The following AJAP1 variants were observed in gnomAD, a reference collection of about 807,000 sequenced individuals.
AJAP1 encodes adherens junction-associated protein 1.
A neutral mutation model predicts 35.0 loss-of-function variants in AJAP1; 5 were observed. The observed-to-expected ratio is 0.14, with a 90% CI of 0.07 to 0.30. The LOEUF is 0.30. Among genes scored for constraint, AJAP1 ranks in the 10% least tolerant of loss-of-function variants. The pLI is 1.00. For missense variants in AJAP1, 586 were observed against 571.0 expected (o/e 1.03, Z -0.27); for synonymous variants, 284 against 249.3 (o/e 1.14, Z -1.31).
intron 2 of AJAP1, among the ~76,000 whole-genome samples, chr1:4,769,414 G>A (rs1641779614): frequency 6.6e-6 from 1 of 152,174 alleles, no homozygotes; most frequent in Non-Finnish European, 1.5e-5. Context: ...CCAGCACCCT[G>A]GAGCTAACCG....
At chr1:4,701,514 G>A (rs1163061108) in intron 1 of AJAP1, among the ~76,000 whole-genome samples, 1 of 152,186 alleles carries the variant, frequency 6.6e-6, no homozygotes, top group Non-Finnish European at 1.5e-5. Context: ...TACTGGGACT[G>A]GGAGGAGCAA....
chr1:4,655,493 TG>T lies in AJAP1; in HGVS notation c.29+42del. 1 of 1,557,416 alleles carries T rather than the reference TG, an allele frequency of 6.4e-7. No individual in the cohort carries two copies. The highest frequency in any genetic ancestry group is 8.7e-7 in the Non-Finnish European group (1 of 1,150,090). ...CCGGCGCCGGGTGCGTGTGGGCGCG[TG>T]GGTGCCAGGCTGGGCGGAAGCGGCG... On this transcript the variant is annotated intron_variant, in intron 1 of 5. Transcript: ENST00000378191. The surrounding 1 kb of genome is among the most constrained non-coding windows in gnomAD (Gnocchi z 6.9).
In AJAP1 at chr1:4,783,274, G is replaced by T. The variant is rs1280577418; in HGVS notation, c.*789G>T. ...GCATATAGACGCATCTATTGGAAATGCAGTTCCACAGGTGAGCATGTTCTT... is the reference window on the plus strand; with the variant it reads ...GCATATAGACGCATCTATTGGAAATTCAGTTCCACAGGTGAGCATGTTCTT... On this transcript the variant is annotated 3_prime_UTR_variant, in exon 6 of 6. Coordinates refer to ENST00000378191, the MANE Select transcript of AJAP1 (RefSeq NM_018836.4). 1 of 152,364 alleles carries T rather than the reference G, an allele frequency of 6.6e-6. No homozygotes were observed. Among genetic ancestry groups the T allele is most frequent in the Non-Finnish European group, 1.5e-5 (1 of 68,518 alleles). 9.4% of individuals were successfully genotyped at this position (152,364 alleles called of 1,614,324 possible).
intron 1 of AJAP1, among the ~76,000 whole-genome samples, chr1:4,707,364 C>T (rs944347130): frequency 6.6e-6 from 1 of 152,102 alleles, no homozygotes; most frequent in South Asian, 2.1e-4. Flanking sequence ...TGCAGCTACC[C>T]CCACACACAA....
At chr1:4,665,392 T>G (rs1050669237) in intron 1 of AJAP1, among the ~76,000 whole-genome samples, 12 of 152,188 alleles carry the variant, frequency 7.9e-5, no homozygotes, top group Admixed American at 6.5e-4. Flanking sequence ...GGTACTGGGC[T>G]AATTTACTGC....
Position 4,756,113 on chromosome 1 carries a change from G to A in AJAP1, c.830-13740G>A, listed in dbSNP as rs1479170249. Among the ~76,000 whole-genome samples the A allele has an allele frequency of 5.3e-5, 8 of 152,248 alleles. No homozygotes were observed. In the South Asian group the frequency reaches 1.0e-3, roughly 20 times the overall value. On this transcript the variant is annotated intron_variant, in intron 2 of 5. Transcript: ENST00000378191. ...GGTGCAGGAGCCTGATGAGAGTTTC[G>A]CCAGGCAGAGGATCTTTGTCACTGA...
chr1:4,689,484 G>A (rs1036680252), intron 1 of AJAP1, among the ~76,000 whole-genome samples: 4 of 152,202 alleles, frequency 2.6e-5, no homozygotes, highest in African/African-American at 9.6e-5. Flanking sequence ...CAGGGCAGAG[G>A]GGCCAGAAGC....
intron 2 of AJAP1, among the ~76,000 whole-genome samples, chr1:4,755,304 GGGGACTCTCACATGTCCCC>G (rs1217448777): frequency 6.6e-6 from 1 of 152,168 alleles, no homozygotes; most frequent in East Asian, 1.9e-4. Context: ...AGTGGGTGCG[GGGGACTCTCACATGTCCCC>G]CTCCTCTCTC....
intron 1 of AJAP1, among the ~76,000 whole-genome samples, chr1:4,684,590 T>C (rs1413521419): frequency 5.9e-5 from 9 of 152,102 alleles, no homozygotes; most frequent in African/African-American, 2.2e-4. Context: ...GCCATGGCCT[T>C]TCCTGGGTAG....
rs186252069 is a variant in AJAP1 at position 4,667,324 on chromosome 1, T to C, written c.29+11870T>C. 7.2e-4 allele frequency among the ~76,000 whole-genome samples: 109 copies of C among 152,228 alleles called. 1 individual carries two copies. Among genetic ancestry groups the C allele is most frequent in the African/African-American group, 2.4e-3 (100 of 41,534 alleles). The stretch of plus-strand genomic sequence containing the variant: ...CGACCCAACTTTCCTTTCCTGAGTC[T>C]CTTGCTGCTTCTCCACCCTTCCAGC... On this transcript the variant is annotated intron_variant, in intron 1 of 5. Transcript: ENST00000378191.
At chr1:4,777,562 C>G (rs557670768) in intron 5 of AJAP1, 1 of 152,154 alleles carries the variant, frequency 6.6e-6, no homozygotes, top group African/African-American at 2.4e-5. Flanking sequence ...AAGGGGGCCT[C>G]GAGAGCAGGC....
intron 3 of AJAP1, among the ~76,000 whole-genome samples, chr1:4,771,973 G>A (rs1188078854): frequency 6.6e-6 from 1 of 152,094 alleles, no homozygotes; most frequent in Admixed American, 6.6e-5. Flanking sequence ...CAGCACCATG[G>A]TCTGACTGAT....
chr1:4,729,664 C>T (rs1023547073), intron 2 of AJAP1, among the ~76,000 whole-genome samples: 4 of 152,172 alleles, frequency 2.6e-5, no homozygotes, highest in South Asian at 4.1e-4. Flanking sequence ...TGAGGACAGC[C>T]GTCCTATTGG....
At chr1:4,769,258 G>A (rs538499250) in intron 2 of AJAP1, among the ~76,000 whole-genome samples, 5 of 152,262 alleles carry the variant, frequency 3.3e-5, no homozygotes, top group East Asian at 3.9e-4. Flanking sequence ...ACTTCTTAGC[G>A]AGGACTCTGG....
At chr1:4,672,067 A>G (rs1639261477) in intron 1 of AJAP1, among the ~76,000 whole-genome samples, 1 of 152,164 alleles carries the variant, frequency 6.6e-6, no homozygotes. Flanking sequence ...CTTGTGAATC[A>G]TGTCGTAACA....
chr1:4,766,147 C>A (rs1160675203), intron 2 of AJAP1, among the ~76,000 whole-genome samples: 1 of 152,210 alleles, frequency 6.6e-6, no homozygotes, highest in Non-Finnish European at 1.5e-5. Context: ...ATGGCCACTG[C>A]CTGTTTTTGG....
intron 1 of AJAP1, among the ~76,000 whole-genome samples, chr1:4,675,222 C>T (rs1050171144): frequency 1.3e-5 from 2 of 152,224 alleles, no homozygotes; most frequent in Non-Finnish European, 2.9e-5. Flanking sequence ...GGACCACCTT[C>T]AGCTGCAATA....
chr1:4,757,657 C>G (rs16838479), intron 2 of AJAP1, among the ~76,000 whole-genome samples: 1 of 152,144 alleles, frequency 6.6e-6, no homozygotes, highest in African/African-American at 2.4e-5. Context: ...GGTGCACTTG[C>G]ATGAGTATTT....
rs899678632 is a variant in AJAP1 at position 4,785,019 on chromosome 1, G to A, written c.*2534G>A. ...GAGCTCCAGAGTGAGCCCAACTAAG[G>A]AGGAGGTGACGGCCGGGGGGCCCTG... On this transcript the variant is annotated 3_prime_UTR_variant, in exon 6 of 6. Coordinates refer to ENST00000378191, the MANE Select transcript of AJAP1 (RefSeq NM_018836.4). The A allele has an allele frequency of 1.3e-5, 2 of 152,344 alleles. No individual in the cohort carries two copies. Among genetic ancestry groups the A allele is most frequent in the Non-Finnish European group, 2.9e-5 (2 of 68,138 alleles). The allele number at this position is 152,344 out of a possible 1,614,324, so 9.4% of individuals were successfully genotyped here.
Sources: allele counts gnomAD v4.1 joint callset (sites outside exome capture counted in the v4.1 genomes callset), GRCh38; gene constraint gnomAD v4.1.1; non-coding constraint Gnocchi (gnomAD v3.1); transcripts MANE v1.5; gene names NCBI Gene and HGNC (gene_info 2026-07-23, HGNC 2026-07-21).